Variants in ADCY6 observed in about 807,000 individuals in gnomAD.
ADCY6 encodes adenylate cyclase type 6.
In ADCY6, 59 loss-of-function variants were observed where a neutral mutation model predicts 111.6. The ratio of observed to expected loss-of-function variants is 0.53; its 90% CI spans 0.43 to 0.66. The LOEUF is 0.66. ADCY6 is among the 30% of genes least tolerant of loss of function. The probability of loss-of-function intolerance (pLI) is 0.00; values close to 1 mark genes in which losing one functional copy is unlikely to be tolerated. For missense variants in ADCY6, 1,242 were observed against 1,595.6 expected, an observed-to-expected ratio of 0.78 and a Z score of 3.78; for synonymous variants, 576 against 642.9, an observed-to-expected ratio of 0.90 and a Z score of 1.57.
intron 1 of ADCY6, among the ~76,000 whole-genome samples, chr12:48,786,035 C>A (rs1941973258): frequency 6.6e-6 from 1 of 152,174 alleles, no homozygotes; most frequent in African/African-American, 2.4e-5. Flanking sequence ...TCCATGCATG[C>A]CTGTGTCCCC....
At chr12:48,789,473 A>C, upstream of ADCY6, 1 of 143,028 alleles carries the variant, frequency 7.0e-6, no homozygotes, top group South Asian at 2.3e-4. Context: ...TCACGGCTAC[A>C]TCCCCCGCCC....
chr12:48,775,740 C>A (rs370905247), intron 9 of ADCY6, 42 bp from the exon 10 acceptor site: 191 of 1,600,236 alleles, frequency 1.2e-4, no homozygotes, highest in Non-Finnish European at 1.6e-4. Flanking sequence ...GAAGGGCCAA[C>A]AACCTTCATC....
rs1160477583 is a variant in ADCY6 at position 48,783,061 on chromosome 12, A to G, written c.374T>C (p.Val125Ala). 4 of 1,613,152 alleles carry G rather than the reference A, an allele frequency of 2.5e-6. No homozygotes were observed. Among genetic ancestry groups the G allele is most frequent in the African/African-American group, 1.3e-5 (1 of 75,072 alleles). ...GRSCWRRLVQ[V>A]FQSKQFRSAK... Reference sequence around the variant, plus strand: ...CGAACGGAACTGCTTCGACTGGAACACCTGCACCAGACGGCGCCAGCAGGA... The same window carrying G: ...CGAACGGAACTGCTTCGACTGGAACGCCTGCACCAGACGGCGCCAGCAGGA... Residue 125 changes from valine to alanine, a missense_variant, in exon 2 of 22, where the codon GTG (valine) becomes GCG (alanine). Val to Ala is a moderately conservative substitution (Grantham distance 64, BLOSUM62 0). Around this residue, in one of 4 missense-constraint regions of ADCY6, gnomAD observed 362 missense variants for 377.2 expected, o/e 0.96. Transcript: ENST00000357869.
At chr12:48,775,930 G>A (rs775705841) in intron 9 of ADCY6, 33 bp downstream of exon 9, 65 of 1,576,272 alleles carry the variant, frequency 4.1e-5, no homozygotes, top group Non-Finnish European at 5.5e-5. Context: ...CTAAGAAAAT[G>A]AGGCCCTAGG....
At position 48,782,026 on chromosome 12, in the gene ADCY6, G is replaced by A. The variant is rs1814297066; in HGVS notation, c.864+545C>T. Among the ~76,000 whole-genome samples the A allele has an allele frequency of 6.6e-6, 1 of 152,174 alleles. No individual in the cohort carries two copies. The highest frequency in any genetic ancestry group is 2.4e-5 in the African/African-American group (1 of 41,428). ...CTTCACCTTCCCTGTCCTCCCAGAAGTGGCCTTGGTCCAGGAAAGAGGGGA... is the reference window on the plus strand; with the variant it reads ...CTTCACCTTCCCTGTCCTCCCAGAAATGGCCTTGGTCCAGGAAAGAGGGGA... On this transcript the variant is annotated intron_variant, in intron 2 of 21. Coordinates refer to ENST00000357869, the MANE Select transcript of ADCY6 (RefSeq NM_015270.5). The surrounding 1 kb of genome is among the most constrained non-coding windows in gnomAD (Gnocchi z 4.3).
At chr12:48,773,907 A>C in intron 15 of ADCY6, 33 bp downstream of exon 15, 1 of 1,608,754 alleles carries the variant, frequency 6.2e-7, no homozygotes, top group Non-Finnish European at 8.5e-7. Flanking sequence ...GTGCCAGGAC[A>C]GCCCCCCCAC....
Position 48,771,802 on chromosome 12 carries a change from T to G in ADCY6, c.2959A>C (p.Asn987His), listed in dbSNP as rs1385835470. 1 of 1,614,006 alleles carries G rather than the reference T, an allele frequency of 6.2e-7. No individual in the cohort carries two copies. Among genetic ancestry groups the G allele is most frequent in the Non-Finnish European group, 8.5e-7 (1 of 1,180,038 alleles). Residue 987 changes from asparagine to histidine, a missense_variant, in exon 19 of 22, where the codon AAC (asparagine) becomes CAC (histidine). Asn to His is a moderately conservative substitution (Grantham distance 68). Transcript: ENST00000357869. The surrounding 1 kb of genome is among the most constrained non-coding windows in gnomAD (Gnocchi z 4.3). ...AGCTCCACATAGAACTCAGAGAAGT[T>G]GGCAATGGAGGCAAACATAACAGCC... ...CVAVMFASIA[N>H]FSEFYVELEA...
At chr12:48,775,743 C>G (rs1941680466) in intron 9 of ADCY6, 45 bp from the exon 10 acceptor site, 2 of 1,599,858 alleles carry the variant, frequency 1.3e-6, no homozygotes, top group Non-Finnish European at 8.6e-7. Flanking sequence ...GGGCCAACAA[C>G]CTTCATCTCT....
intron 2 of ADCY6, among the ~76,000 whole-genome samples, chr12:48,781,194 C>A (rs1217792241): frequency 1.3e-5 from 2 of 148,524 alleles, no homozygotes; most frequent in African/African-American, 2.5e-5. Flanking sequence ...AGCAAGACTC[C>A]GTCTCAAAAA....
In ADCY6 at chr12:48,776,111, A is replaced by G. The variant is rs1466640249; in HGVS notation, c.1678-20T>C. ...CTCTTTCTGTGCGGGCAGCATGGGT[A>G]CAGGCTCAGAAGAGGGGCCCAGAGG... On this transcript the variant is annotated intron_variant, in intron 8 of 21. Coordinates refer to ENST00000357869, the MANE Select transcript of ADCY6 (RefSeq NM_015270.5). This position sits in a 1 kb window ranked among gnomAD's most constrained non-coding sequence, Gnocchi z 6.1. 1 of 1,613,870 alleles carries G rather than the reference A, an allele frequency of 6.2e-7. No homozygotes were observed. The highest frequency in any genetic ancestry group is 1.7e-5 in the Admixed American group (1 of 59,990).
rs1050774506 is a variant in ADCY6, at chr12:48,771,366, T to C, written c.3051+344A>G. 8.1e-6 allele frequency: 4 copies of C among 492,678 alleles called. No homozygotes were observed. Among genetic ancestry groups the C allele is most frequent in the Non-Finnish European group, 7.4e-6 (2 of 269,150 alleles). 30.5% of individuals were successfully genotyped at this position (492,678 alleles called of 1,614,324 possible). ...CCTCACATTTTGCTTCAATTTTCTC[T>C]ATTCAGAGGACCATCTTGCTTGGTT... On this transcript the variant is annotated intron_variant, in intron 19 of 21. Transcript: ENST00000357869. This position sits in a 1 kb window ranked among gnomAD's most constrained non-coding sequence, Gnocchi z 4.3.
chr12:48,776,610 A>T lies in ADCY6; in HGVS notation c.1377-24T>A. The T allele has an allele frequency of 6.3e-7, 1 of 1,587,414 alleles. No homozygotes were observed. Among genetic ancestry groups the T allele is most frequent in the South Asian group, 1.1e-5 (1 of 88,476 alleles). Reference sequence around the variant, plus strand: ...GCCTGGGAGGATGCAGCCCCAGATCAGCTCCTGGCAGTCTTCCCCTCCCCC... The same window carrying T: ...GCCTGGGAGGATGCAGCCCCAGATCTGCTCCTGGCAGTCTTCCCCTCCCCC... On this transcript the variant is annotated intron_variant, in intron 6 of 21. Coordinates refer to ENST00000357869, the MANE Select transcript of ADCY6 (RefSeq NM_015270.5). The surrounding 1 kb of genome is among the most constrained non-coding windows in gnomAD (Gnocchi z 6.1).
Position 48,783,292 on chromosome 12 carries a change from C to T in ADCY6, c.143G>A (p.Arg48Gln), listed in dbSNP as rs371582738. 34 of 1,612,770 alleles carry T rather than the reference C, an allele frequency of 2.1e-5. No individual in the cohort carries two copies. The highest frequency in any genetic ancestry group is 2.3e-5 in the Non-Finnish European group (27 of 1,179,614). The change falls in exon 2 of 22, where the codon CGG (arginine) becomes CAG (glutamine). Residue 48 changes from arginine to glutamine, a missense_variant. Arg to Gln is a conservative substitution (Grantham distance 43). This residue lies in a region of ADCY6 where 362 missense variants were observed against 377.2 expected (regional missense o/e 0.96). Transcript: ENST00000357869. Reference sequence around the variant, plus strand: ...GGTGGGGCTGGGTGGCTCTGCATCCCGGAGGCAGCTCATATAGCGGGGCGT... The same window carrying T: ...GGTGGGGCTGGGTGGCTCTGCATCCTGGAGGCAGCTCATATAGCGGGGCGT... Reference protein sequence around the residue: ...FCTPRYMSCLRDAEPPSPTPA... With the variant: ...FCTPRYMSCLQDAEPPSPTPA...
At chr12:48,774,377 G>A (rs996058747) in intron 14 of ADCY6, 25 bp downstream of exon 14, 7 of 1,579,722 alleles carry the variant, frequency 4.4e-6, no homozygotes, top group Admixed American at 3.3e-5. Context: ...GAGCAGAGGT[G>A]GGAGAATTCC....
Position 48,774,498 on chromosome 12 carries a change from T to C in ADCY6, c.2187A>G (p.Gln729=). 1 of 1,613,912 alleles carries C rather than the reference T, an allele frequency of 6.2e-7. No individual in the cohort carries two copies. Among genetic ancestry groups the C allele is most frequent in the African/African-American group, 1.3e-5 (1 of 74,950 alleles). ...AGCGGACAATGCTGCGGGACAGACG[T>C]TGCAGGGCCTTAGGGAACAGCTAGA... ...SCGSLFPKAL[Q]RLSRSIVRSR... The change falls in exon 14 of 22, where the codon CAA becomes CAG. Residue 729 remains glutamine (Q), a synonymous_variant. Coordinates refer to ENST00000357869, the MANE Select transcript of ADCY6 (RefSeq NM_015270.5).
intron 1 of ADCY6, among the ~76,000 whole-genome samples, chr12:48,788,287 A>C (rs1046020611): frequency 6.6e-6 from 1 of 152,100 alleles, no homozygotes; most frequent in African/African-American, 2.4e-5. Flanking sequence ...CCTCCAGCTC[A>C]CAGGGGTAAT....
At chr12:48,780,544 CCA>C (rs1234957358) in intron 2 of ADCY6, among the ~76,000 whole-genome samples, 2 of 152,304 alleles carry the variant, frequency 1.3e-5, no homozygotes, top group East Asian at 3.9e-4. Context: ...CTATCGAGAT[CCA>C]CTACATGAAG....
Position 48,773,966 on chromosome 12 carries a change from T to C in ADCY6, c.2416A>G (p.Thr806Ala). ...LGLDAPLCEG[T>A]MPTCSFPEYF... ...TCAGGAAAGCTGCAGGTGGGCATGGTGCCCTCACACAGGGGAGCATCCAGG... is the reference window on the plus strand; with the variant it reads ...TCAGGAAAGCTGCAGGTGGGCATGGCGCCCTCACACAGGGGAGCATCCAGG... Residue 806 changes from threonine (T) to alanine (A), a missense_variant, in exon 15 of 22, where the codon ACC becomes GCC. Transcript: ENST00000357869. The C allele has an allele frequency of 6.2e-7, 1 of 1,613,772 alleles. No individual in the cohort carries two copies.
Position 48,771,932 on chromosome 12 carries a change from G to A in ADCY6, c.2829C>T (p.Tyr943=), listed in dbSNP as rs747790458. 6.2e-7 allele frequency: 1 copy of A among 1,614,050 alleles called. No individual in the cohort carries two copies. The highest frequency in any genetic ancestry group is 2.2e-5 in the East Asian group (1 of 44,886). Residue 943 remains tyrosine (Y), a synonymous_variant, in exon 19 of 22, where the codon TAC becomes TAT. Transcript: ENST00000357869. This position sits in a 1 kb window ranked among gnomAD's most constrained non-coding sequence, Gnocchi z 4.3. ...EKEEMEELQA[Y]NRRLLHNILP... is the part of the protein sequence containing the mutation. ...GAATGTTATGCAGCAGCCTCCGGTT[G>A]TATGCCTGTAGCTCCTCCATCTCCT...
Sources: gnomAD v4.1 joint callset for allele counts (sites outside exome capture counted in the v4.1 genomes callset) on GRCh38, gnomAD v4.1.1 for gene constraint, gnomAD v4.1.1 regional missense constraint, Gnocchi (gnomAD v3.1) non-coding constraint, MANE v1.5 for transcripts, NCBI Gene and HGNC (gene_info 2026-07-23, HGNC 2026-07-21) for gene names.